The following SLC6A18 variants were observed in gnomAD, a reference collection of about 807,000 sequenced individuals.
SLC6A18 encodes the protein solute carrier family 6 member 18.
Under a neutral mutation model 62.9 loss-of-function variants are expected in SLC6A18, and 58 were observed. The observed-to-expected ratio is 0.92, with a 90% CI of 0.75 to 1.15. The LOEUF (loss-of-function observed/expected upper bound fraction) is 1.15, where lower values mean the gene tolerates loss of function less well. Among genes scored for constraint, SLC6A18 ranks in the 50% most tolerant of loss-of-function variants. The pLI is 0.00. For missense variants in SLC6A18, 793 were observed against 836.6 expected, an observed-to-expected ratio of 0.95 and a Z score of 0.64; for synonymous variants, 382 against 365.8, an observed-to-expected ratio of 1.04 and a Z score of -0.51.
At position 1,240,670 on chromosome 5, in the gene SLC6A18, G is replaced by C. The variant is rs1169719220; in HGVS notation, c.974+11G>C. On this transcript the variant is annotated intron_variant, in intron 7 of 11. Transcript: ENST00000324642. ...GCACTGCCTGGACAGGTGAGCACAG[G>C]TGCCGCGCCTGGCTCTGTGGGGCAC... 4 of 1,613,090 alleles carry C rather than the reference G, an allele frequency of 2.5e-6. No individual in the cohort carries two copies. The highest frequency in any genetic ancestry group is 3.4e-6 in the Non-Finnish European group (4 of 1,179,780).
At chr5:1,230,430 G>A (rs1746702192) in intron 1 of SLC6A18, among the ~76,000 whole-genome samples, 1 of 152,156 alleles carries the variant, frequency 6.6e-6, no homozygotes, top group Admixed American at 6.5e-5. Flanking sequence ...GCCTCCACCT[G>A]AGGCTGACCC....
intron 2 of SLC6A18, 93 bp downstream of exon 2, chr5:1,232,452 G>GTA (rs1746757616): frequency 6.7e-7 from 1 of 1,493,352 alleles, no homozygotes; most frequent in African/African-American, 1.4e-5. Flanking sequence ...CATGCCTGTG[G>GTA]TACGGAAGCG....
rs749097797 is a variant in SLC6A18, at chr5:1,244,750, G to T, written c.1639G>T (p.Ala547Ser). 13 of 1,608,054 alleles carry T rather than the reference G, an allele frequency of 8.1e-6. No individual in the cohort carries two copies. The highest frequency in any genetic ancestry group is 1.1e-5 in the Non-Finnish European group (13 of 1,175,266). ...GTTCTGGAAGCCACTGAGATACAAG[G>T]CCTGGAACCCCAAATACGTAGGTCC... ...LLFWKPLRYK[A>S]WNPKYELFPS... The change falls in exon 11 of 12, where the codon GCC becomes TCC. Residue 547 changes from alanine to serine, a missense_variant. By Grantham distance (99) the Ala-to-Ser change is moderately conservative (BLOSUM62 1). Coordinates refer to ENST00000324642, the MANE Select transcript of SLC6A18 (RefSeq NM_182632.3).
In SLC6A18 at chr5:1,244,455, G is replaced by A. The variant is rs927453520; in HGVS notation, c.1496+82G>A. The A allele has an allele frequency of 6.3e-6, 10 of 1,577,822 alleles. No individual in the cohort carries two copies. In the African/African-American group the frequency reaches 1.1e-4, roughly 17 times the overall value. ...TGGCTGCCGGGCACAGGTTCAACCC[G>A]CAGCTGCCCAGACCGCCGAGAATGT... is the stretch of plus-strand genomic sequence containing the variant. On this transcript the variant is annotated intron_variant, in intron 10 of 11. Coordinates refer to ENST00000324642, the MANE Select transcript of SLC6A18 (RefSeq NM_182632.3).
intron 1 of SLC6A18, among the ~76,000 whole-genome samples, chr5:1,231,889 C>T (rs1746739256): frequency 6.6e-6 from 1 of 152,190 alleles, no homozygotes; most frequent in Non-Finnish European, 1.5e-5. Context: ...AGGCAGGTGC[C>T]TCAAACAATG....
chr5:1,229,960 AC>A (rs374249217), intron 1 of SLC6A18, among the ~76,000 whole-genome samples: 10 of 92,786 alleles, frequency 1.1e-4, no homozygotes, highest in Non-Finnish European at 1.5e-4. Context: ...AAGGGCTGTC[AC>A]GGTGCAGGCT....
intron 1 of SLC6A18, among the ~76,000 whole-genome samples, chr5:1,225,919 G>A (rs555771681): frequency 4.0e-4 from 61 of 152,316 alleles, no homozygotes; most frequent in African/African-American, 1.3e-3. Context: ...CCTGCCAGGC[G>A]TCAGGTTGAA....
rs2126542777 is a variant in SLC6A18, at chr5:1,243,998, G to C, written c.1337-216G>C. 6.6e-6 allele frequency among the ~76,000 whole-genome samples: 1 copy of C among 152,234 alleles called. No individual in the cohort carries two copies. The highest frequency in any genetic ancestry group is 2.1e-4 in the South Asian group (1 of 4,832). ...GAGGCCACATCCCCCATCTGGAGCA[G>C]GAAAGCAGGTCCTTCCTGCTCCTTG... On this transcript the variant is annotated intron_variant, in intron 9 of 11. Coordinates refer to ENST00000324642, the MANE Select transcript of SLC6A18 (RefSeq NM_182632.3). The surrounding 1 kb of genome is among the most constrained non-coding windows in gnomAD (Gnocchi z 6.5).
intron 1 of SLC6A18, among the ~76,000 whole-genome samples, chr5:1,231,570 AG>A (rs1746731595): frequency 6.6e-6 from 1 of 152,216 alleles, no homozygotes; most frequent in African/African-American, 2.4e-5. Flanking sequence ...CTGGGGGAAC[AG>A]AGCAGCTCAT....
intron 9 of SLC6A18, 31 bp from the exon 10 acceptor site, chr5:1,244,168 CACTCCCCATCCCCTT>C: frequency 8.0e-6 from 7 of 870,396 alleles, no homozygotes; most frequent in Non-Finnish European, 1.3e-5. Context: ...CCCACACCTC[CACTCCCCATCCCCTT>C]ACCCCCCACA....
intron 5 of SLC6A18, among the ~76,000 whole-genome samples, chr5:1,238,963 AG>A (rs1326196097): frequency 5.3e-5 from 8 of 152,336 alleles, no homozygotes; most frequent in East Asian, 1.9e-4. Flanking sequence ...GGCAGTTTCC[AG>A]GGGCTGGTGT....
In SLC6A18 at chr5:1,240,534, T is replaced by C. The variant is rs916328610; in HGVS notation, c.849T>C (p.Asn283=). ...IAFASYNSPR[N]DCQKDAVVIA... Reference sequence around the variant, plus strand: ...ATGAGCGTGCGTTTGTGCCCAGGAATGACTGCCAGAAGGATGCGGTGGTCA... The same window carrying C: ...ATGAGCGTGCGTTTGTGCCCAGGAACGACTGCCAGAAGGATGCGGTGGTCA... The change falls in exon 7 of 12, where the codon AAT becomes AAC. Residue 283 remains asparagine (N), a synonymous_variant. Coordinates refer to ENST00000324642, the MANE Select transcript of SLC6A18 (RefSeq NM_182632.3). The C allele has an allele frequency of 2.5e-6, 4 of 1,614,142 alleles. No homozygotes were observed. The highest frequency in any genetic ancestry group is 3.4e-6 in the Non-Finnish European group (4 of 1,179,988).
chr5:1,246,121 G>C lies in SLC6A18; in HGVS notation c.*43G>C. The C allele has an allele frequency of 2.0e-6, 3 of 1,516,202 alleles. No homozygotes were observed. The highest frequency in any genetic ancestry group is 5.0e-5 in the East Asian group (2 of 39,980). The allele number at this position is 1,516,202 out of a possible 1,614,324, so 93.9% of individuals were successfully genotyped here. A position where few individuals can be genotyped will look rare whatever the true frequency, so the allele number is the denominator to read the frequency against. On this transcript the variant is annotated 3_prime_UTR_variant, in exon 12 of 12. Transcript: ENST00000324642. Reference sequence around the variant, plus strand: ...CCTGCATGGGCGGGTCTGTGGGGGGGCTTGGCCTGATGGTGGGCGGGGCCC... The same window carrying C: ...CCTGCATGGGCGGGTCTGTGGGGGGCCTTGGCCTGATGGTGGGCGGGGCCC...
At chr5:1,225,721 T>C (rs1746542399) in intron 1 of SLC6A18, 84 bp downstream of exon 1, 1 of 1,443,956 alleles carries the variant, frequency 6.9e-7, no homozygotes, top group South Asian at 1.4e-5. Context: ...CTGCCACGCA[T>C]CCCCAGTGCT....
At position 1,241,664 on chromosome 5, in the gene SLC6A18, C is replaced by T. The variant is rs1470152120; in HGVS notation, c.974+1005C>T. Among the ~76,000 whole-genome samples the T allele has an allele frequency of 2.6e-5, 4 of 152,066 alleles. No homozygotes were observed. Among genetic ancestry groups the T allele is most frequent in the Non-Finnish European group, 4.4e-5 (3 of 68,006 alleles). ...ACAGGATGAGCCGGGTCAGGGAGGA[C>T]GGTGATTTATAGGATTTACAGGATG... On this transcript the variant is annotated intron_variant, in intron 7 of 11. Coordinates refer to ENST00000324642, the MANE Select transcript of SLC6A18 (RefSeq NM_182632.3). The surrounding 1 kb of genome is among the most constrained non-coding windows in gnomAD (Gnocchi z 7.8).
At chr5:1,230,607 C>T (rs1746707255) in intron 1 of SLC6A18, among the ~76,000 whole-genome samples, 2 of 152,332 alleles carry the variant, frequency 1.3e-5, no homozygotes, top group African/African-American at 2.4e-5. Context: ...CCGTGGCAGT[C>T]GCAGAACATT....
At chr5:1,230,814 G>A (rs1433247065) in intron 1 of SLC6A18, among the ~76,000 whole-genome samples, 1 of 152,174 alleles carries the variant, frequency 6.6e-6, no homozygotes, top group African/African-American at 2.4e-5. Flanking sequence ...GTGCCACCCC[G>A]CAGCCTGTCC....
In SLC6A18 at chr5:1,246,136, G is replaced by GGGCGGGGCCCC. The variant is rs1414200287; in HGVS notation, c.*60_*70dup. The stretch of plus-strand genomic sequence containing the variant: ...CTGTGGGGGGGCTTGGCCTGATGGT[G>GGGCGGGGCCCC]GGCGGGGCCCCGCCCACAGGGCCGA... On this transcript the variant is annotated 3_prime_UTR_variant, in exon 12 of 12. Transcript: ENST00000324642. 1 of 1,491,864 alleles carries GGGCGGGGCCCC rather than the reference G, an allele frequency of 6.7e-7. No individual in the cohort carries two copies. Among genetic ancestry groups the GGGCGGGGCCCC allele is most frequent in the Admixed American group, 2.2e-5 (1 of 45,102 alleles). 92.4% of individuals were successfully genotyped at this position (1,491,864 alleles called of 1,614,324 possible).
chr5:1,234,122 G>A (rs904301363), intron 3 of SLC6A18, among the ~76,000 whole-genome samples: 14 of 152,104 alleles, frequency 9.2e-5, no homozygotes, highest in Admixed American at 3.3e-4. Flanking sequence ...GGGTTCAAGC[G>A]ATCCTCCTGC....
Sources: allele counts gnomAD v4.1 joint callset (sites outside exome capture counted in the v4.1 genomes callset), GRCh38; gene constraint gnomAD v4.1.1; non-coding constraint Gnocchi (gnomAD v3.1); transcripts MANE v1.5; gene names NCBI Gene and HGNC (gene_info 2026-07-23, HGNC 2026-07-21).